The following GRIN2A variants were observed in gnomAD, a reference collection of about 807,000 sequenced individuals.
GRIN2A encodes the protein glutamate receptor ionotropic, NMDA 2A.
Under a neutral mutation model 113.4 loss-of-function variants are expected in GRIN2A, and 22 were observed. The observed-to-expected ratio is 0.19, with a 90% CI of 0.14 to 0.28. The LOEUF (loss-of-function observed/expected upper bound fraction) is 0.28, where lower values mean the gene tolerates loss of function less well. Among genes scored for constraint, GRIN2A ranks in the 10% least tolerant of loss-of-function variants. GRIN2A has a pLI of 1.00. For missense variants in GRIN2A, 1,502 were observed against 1,887.0 expected (o/e 0.80, Z 3.78); for synonymous variants, 827 against 738.4 (o/e 1.12, Z -1.94).
intron 2 of GRIN2A, among the ~76,000 whole-genome samples, chr16:10,101,443 C>T (rs970699121): frequency 3.9e-5 from 6 of 152,152 alleles, no homozygotes; most frequent in Non-Finnish European, 5.9e-5. Context: ...TGAAAACCTC[C>T]GAGCGCCGTG....
chr16:10,038,971 C>G (rs1451012533), intron 2 of GRIN2A, among the ~76,000 whole-genome samples: 5 of 152,280 alleles, frequency 3.3e-5, no homozygotes, highest in African/African-American at 1.2e-4. Flanking sequence ...GTCACCTCCT[C>G]CAGGAAGCCC....
At chr16:10,077,537 C>T (rs1483152661) in intron 2 of GRIN2A, among the ~76,000 whole-genome samples, 1 of 152,228 alleles carries the variant, frequency 6.6e-6, no homozygotes, top group Non-Finnish European at 1.5e-5. Context: ...TGCCCTCTTA[C>T]AATCCAGTAT....
intron 2 of GRIN2A, among the ~76,000 whole-genome samples, chr16:10,154,662 T>C (rs1370839009): frequency 2.0e-5 from 3 of 151,998 alleles, no homozygotes; most frequent in East Asian, 1.9e-4. Context: ...AATCAACAAA[T>C]AAATTATCAG....
At chr16:9,929,352 T>A (rs2044537389) in intron 3 of GRIN2A, among the ~76,000 whole-genome samples, 1 of 152,194 alleles carries the variant, frequency 6.6e-6, no homozygotes, top group African/African-American at 2.4e-5. Context: ...TTCCCCAACA[T>A]TTCTTTCCTC....
At chr16:9,994,345 T>C (rs569018332) in intron 2 of GRIN2A, among the ~76,000 whole-genome samples, 4 of 152,156 alleles carry the variant, frequency 2.6e-5, no homozygotes, top group Non-Finnish European at 4.4e-5. Flanking sequence ...TTGTAGCTCC[T>C]TCTCTCTAAG....
chr16:9,806,291 G>GTC (rs1168434805), intron 10 of GRIN2A, among the ~76,000 whole-genome samples: 2 of 152,110 alleles, frequency 1.3e-5, no homozygotes, highest in Non-Finnish European at 2.9e-5. Flanking sequence ...ACCAAGTCAA[G>GTC]TCCATTTCTC....
chr16:9,860,111 C>G (rs1348595858), intron 4 of GRIN2A, among the ~76,000 whole-genome samples: 1 of 152,012 alleles, frequency 6.6e-6, no homozygotes, highest in Non-Finnish European at 1.5e-5. Context: ...TTGAAGAACA[C>G]AGCTTCCTAA....
chr16:10,158,699 C>T (rs1483767236), intron 2 of GRIN2A, among the ~76,000 whole-genome samples: 2 of 152,136 alleles, frequency 1.3e-5, no homozygotes, highest in African/African-American at 4.8e-5. Context: ...GATCCCATCC[C>T]ATCTAGAACG....
chr16:10,070,442 T>C (rs771666999), intron 2 of GRIN2A, among the ~76,000 whole-genome samples: 15 of 152,174 alleles, frequency 9.9e-5, no homozygotes, highest in Non-Finnish European at 2.2e-4. Context: ...GTGTTAAAGT[T>C]TGAGAATCAC....
intron 2 of GRIN2A, among the ~76,000 whole-genome samples, chr16:10,097,455 A>G (rs1054710386): frequency 6.6e-6 from 1 of 152,188 alleles, no homozygotes; most frequent in Non-Finnish European, 1.5e-5. Context: ...GATCTCATCT[A>G]TGAAGCAACA....
At chr16:10,066,715 A>T (rs2047655220) in intron 2 of GRIN2A, among the ~76,000 whole-genome samples, 1 of 152,192 alleles carries the variant, frequency 6.6e-6, no homozygotes, top group Admixed American at 6.5e-5. Flanking sequence ...CAGAGGGTTA[A>T]CCTCCCAGGA....
chr16:10,165,128 G>C (rs768444156), intron 2 of GRIN2A, among the ~76,000 whole-genome samples: 3 of 152,042 alleles, frequency 2.0e-5, no homozygotes, highest in Non-Finnish European at 4.4e-5. Context: ...ACAAGGTATT[G>C]GTTTTCATGG....
rs190808987 is a variant in GRIN2A at position 9,909,273 on chromosome 16, C to T, written c.1008-18173G>A. ...ACCCGCCCCTATGATTCAATTACCT[C>T]CCACCAGGTCCTTCCCACAACATGT... On this transcript the variant is annotated intron_variant, in intron 3 of 12. Transcript: ENST00000330684. 5.5e-3 allele frequency among the ~76,000 whole-genome samples: 836 copies of T among 152,296 alleles called. 3 individuals are homozygous for T. The highest frequency in any genetic ancestry group is 0.01 in the Middle Eastern group (3 of 294).
chr16:9,905,984 A>G (rs1314538797), intron 3 of GRIN2A, among the ~76,000 whole-genome samples: 1 of 152,120 alleles, frequency 6.6e-6, no homozygotes, highest in Non-Finnish European at 1.5e-5. Context: ...AATATTTTCT[A>G]TTGTTTCTCC....
chr16:10,017,637 G>C (rs1349820593), intron 2 of GRIN2A, among the ~76,000 whole-genome samples: 1 of 152,122 alleles, frequency 6.6e-6, no homozygotes, highest in Non-Finnish European at 1.5e-5. Context: ...AAAAGCATAA[G>C]AATGAGCCTG....
At chr16:10,036,449 C>CTTTTTTTTTTTTT (rs369821921) in intron 2 of GRIN2A, among the ~76,000 whole-genome samples, 608 of 45,966 alleles carry the variant, frequency 0.013, 34 homozygotes, top group Non-Finnish European at 0.016. Context: ...TTTTTTTTTT[C>CTTTTTTTTTTTTT]TTTTTTTTTT....
intron 2 of GRIN2A, among the ~76,000 whole-genome samples, chr16:10,157,691 TG>T (rs2049727301): frequency 6.6e-6 from 1 of 152,116 alleles, no homozygotes; most frequent in South Asian, 2.1e-4. Context: ...GAGAACAGCA[TG>T]GGGGAAACAG....
intron 3 of GRIN2A, among the ~76,000 whole-genome samples, chr16:9,896,829 C>G (rs937410093): frequency 3.3e-5 from 5 of 152,194 alleles, no homozygotes; most frequent in Admixed American, 6.5e-5. Context: ...CCCATTTAAA[C>G]TTGCTCCAGA....
rs140354736 is a variant in GRIN2A at position 10,024,999 on chromosome 16, G to C, written c.415-86448C>G. Among the ~76,000 whole-genome samples the C allele has an allele frequency of 3.6e-3, 548 of 152,140 alleles. 2 individuals are homozygous for C. Among genetic ancestry groups the C allele is most frequent in the African/African-American group, 0.013 (524 of 41,508 alleles). On this transcript the variant is annotated intron_variant, in intron 2 of 12. Transcript: ENST00000330684. ...TGAAATGGAGATAAGTCATGGAAGA[G>C]TCAGAGAGGAGAGAAAAGAAGAGGG... is the stretch of plus-strand genomic sequence containing the variant.
Sources: allele counts gnomAD v4.1 joint callset (sites outside exome capture counted in the v4.1 genomes callset), GRCh38; gene constraint gnomAD v4.1.1; transcripts MANE v1.5; gene names NCBI Gene and HGNC (gene_info 2026-07-23, HGNC 2026-07-21).